DNAH7: variants seen among roughly 807,000 people sequenced by gnomAD.
The protein encoded by DNAH7 is dynein axonemal heavy chain 7.
Under a neutral mutation model 444.6 loss-of-function variants are expected in DNAH7, and 397 were observed. That is an observed-to-expected ratio of 0.89 (90% CI 0.82 to 0.97). DNAH7 has a LOEUF of 0.97. Ranked by LOEUF, DNAH7 falls within the 50% of genes least tolerant of loss-of-function variation. DNAH7 has a pLI of 0.00. For missense variants in DNAH7, 4,902 were observed against 4,800.8 expected, an observed-to-expected ratio of 1.02 and a Z score of -0.62; for synonymous variants, 1,636 against 1,624.4, an observed-to-expected ratio of 1.01 and a Z score of -0.17.
chr2:195,996,718 G>A (rs933944966), intron 12 of DNAH7, among the ~76,000 whole-genome samples: 7 of 152,096 alleles, frequency 4.6e-5, no homozygotes, highest in African/African-American at 1.7e-4. Flanking sequence ...GAGCCACCAT[G>A]CCCGTCCCCA....
At chr2:195,869,406 G>C (rs1700544835) in intron 40 of DNAH7, among the ~76,000 whole-genome samples, 1 of 151,788 alleles carries the variant, frequency 6.6e-6, no homozygotes, top group Admixed American at 6.6e-5. Flanking sequence ...AAAAAAAAGA[G>C]AGAGGAAAAT....
chr2:195,910,164 C>G lies in DNAH7; in HGVS notation c.3967G>C (p.Gly1323Arg), dbSNP rs1687271935. 3.1e-6 allele frequency: 5 copies of G among 1,612,028 alleles called. No individual in the cohort carries two copies. Among genetic ancestry groups the G allele is most frequent in the Non-Finnish European group, 4.2e-6 (5 of 1,179,104 alleles). The change falls in exon 25 of 65, where the codon GGA becomes CGA. Residue 1323 changes from glycine to arginine, a missense_variant. Coordinates refer to ENST00000312428, the MANE Select transcript of DNAH7 (RefSeq NM_018897.3). Reference protein sequence around the residue: ...TLFGALHLHLGGAPEGPAGTG... With the variant: ...TLFGALHLHLRGAPEGPAGTG... ...CCAGCTGGACCCTCAGGTGCTCCTCCAAGGTGCAAATGAAGGGCTCCAAAT... is the reference window on the plus strand; with the variant it reads ...CCAGCTGGACCCTCAGGTGCTCCTCGAAGGTGCAAATGAAGGGCTCCAAAT...
intron 5 of DNAH7, among the ~76,000 whole-genome samples, chr2:196,035,239 G>A (rs1696312188): frequency 6.6e-6 from 1 of 152,084 alleles, no homozygotes; most frequent in South Asian, 2.1e-4. Context: ...TTGAGAATTT[G>A]TATTAGGAAA....
At chr2:195,827,807 G>A (rs1351558114) in intron 48 of DNAH7, among the ~76,000 whole-genome samples, 2 of 151,860 alleles carry the variant, frequency 1.3e-5, no homozygotes, top group Non-Finnish European at 2.9e-5. Flanking sequence ...AAACTCCTGG[G>A]CTCAACCAAT....
intron 53 of DNAH7, among the ~76,000 whole-genome samples, chr2:195,808,188 T>C (rs1464786120): frequency 6.6e-6 from 1 of 152,198 alleles, no homozygotes; most frequent in African/African-American, 2.4e-5. Context: ...ATATCCCAGA[T>C]GGGAAACTGT....
At chr2:195,864,097 T>G (rs529412915) in intron 41 of DNAH7, 52 bp downstream of exon 41, 2 of 1,563,876 alleles carry the variant, frequency 1.3e-6, no homozygotes, top group South Asian at 2.3e-5. Flanking sequence ...GTCATGATGA[T>G]AGTGGAAATT....
At chr2:195,998,163 T>G (rs1404479326) in intron 12 of DNAH7, among the ~76,000 whole-genome samples, 1 of 152,160 alleles carries the variant, frequency 6.6e-6, no homozygotes, top group Non-Finnish European at 1.5e-5. Context: ...TCCTGAGAAG[T>G]TTCAATTAAC....
intron 10 of DNAH7, among the ~76,000 whole-genome samples, chr2:196,003,496 G>A (rs1394112791): frequency 6.6e-6 from 1 of 152,134 alleles, no homozygotes; most frequent in African/African-American, 2.4e-5. Flanking sequence ...AATTCTCAAA[G>A]TGCTTAATAG....
At chr2:196,032,353 CG>C (rs1696112270) in intron 5 of DNAH7, among the ~76,000 whole-genome samples, 1 of 151,920 alleles carries the variant, frequency 6.6e-6, no homozygotes, top group Non-Finnish European at 1.5e-5. Flanking sequence ...AGAGGACAGA[CG>C]AAACAGTTTA....
At chr2:196,046,813 G>A (rs987146776) in intron 5 of DNAH7, among the ~76,000 whole-genome samples, 3 of 152,124 alleles carry the variant, frequency 2.0e-5, no homozygotes, top group African/African-American at 7.2e-5. Context: ...TGTACACCCT[G>A]AGAATCATAA....
chr2:195,967,489 T>C (rs1414859846), intron 17 of DNAH7, among the ~76,000 whole-genome samples: 1 of 152,216 alleles, frequency 6.6e-6, no homozygotes, highest in Non-Finnish European at 1.5e-5. Flanking sequence ...TTGCTCATCC[T>C]GTTCTTTCAG....
intron 19 of DNAH7, among the ~76,000 whole-genome samples, chr2:195,953,817 C>T (rs556691141): frequency 1.3e-5 from 2 of 152,320 alleles, no homozygotes; most frequent in African/African-American, 4.8e-5. Context: ...TTATTAGGAA[C>T]TCCTAAGAAT....
chr2:195,764,909 A>T (rs975319874), intron 61 of DNAH7, among the ~76,000 whole-genome samples: 2 of 152,076 alleles, frequency 1.3e-5, no homozygotes, highest in African/African-American at 2.4e-5. Context: ...ATGGAACCAC[A>T]TAAGACCCAG....
At chr2:195,883,451 T>TCCCCCCCCCCCC (rs778869268) in intron 35 of DNAH7, among the ~76,000 whole-genome samples, 8 of 121,076 alleles carry the variant, frequency 6.6e-5, no homozygotes, top group African/African-American at 2.3e-4. Flanking sequence ...CAGTCCCCGC[T>TCCCCCCCCCCCC]CCCCCCCCCC....
intron 63 of DNAH7, among the ~76,000 whole-genome samples, chr2:195,748,607 G>T (rs185294059): frequency 6.6e-6 from 1 of 152,040 alleles, no homozygotes; most frequent in Non-Finnish European, 1.5e-5. Context: ...TACAGTAACC[G>T]AAACAGCATG....
intron 42 of DNAH7, among the ~76,000 whole-genome samples, chr2:195,859,527 T>C (rs1036655493): frequency 1.3e-5 from 2 of 152,168 alleles, no homozygotes; most frequent in African/African-American, 4.8e-5. Flanking sequence ...ATACTTGATA[T>C]ACCATAATGT....
At chr2:195,874,418 T>C (rs1356531057) in intron 38 of DNAH7, among the ~76,000 whole-genome samples, 1 of 152,148 alleles carries the variant, frequency 6.6e-6, no homozygotes, top group East Asian at 1.9e-4. Context: ...GTGATATTTT[T>C]AGAAAACAGA....
intron 33 of DNAH7, among the ~76,000 whole-genome samples, chr2:195,886,514 G>T (rs1701720473): frequency 6.6e-6 from 1 of 152,096 alleles, no homozygotes; most frequent in Non-Finnish European, 1.5e-5. Context: ...GCTGTTACGT[G>T]TGCAGTTAAT....
intron 42 of DNAH7, among the ~76,000 whole-genome samples, chr2:195,860,254 G>T (rs1328898341): frequency 6.6e-6 from 1 of 151,448 alleles, no homozygotes; most frequent in Admixed American, 6.6e-5. Flanking sequence ...TTTTGTTAGG[G>T]TGGCCTTACT....
Sources: allele counts gnomAD v4.1 joint callset (sites outside exome capture counted in the v4.1 genomes callset), GRCh38; gene constraint gnomAD v4.1.1; transcripts MANE v1.5; gene names NCBI Gene and HGNC (gene_info 2026-07-23, HGNC 2026-07-21).